Variants in CKAP4 observed in about 807,000 individuals in gnomAD.
CKAP4 encodes cytoskeleton-associated protein 4.
In CKAP4, 20 loss-of-function variants were observed where a neutral mutation model predicts 24.4. That is an observed-to-expected ratio of 0.82 (90% CI 0.58 to 1.19). CKAP4 has a LOEUF of 1.19. Among genes scored for constraint, CKAP4 ranks in the 50% most tolerant of loss-of-function variants. CKAP4 has a pLI of 0.00. For synonymous variants in CKAP4, 378 were observed against 351.7 expected, an observed-to-expected ratio of 1.07 and a Z score of -0.84; for missense variants, 744 against 765.3, an observed-to-expected ratio of 0.97 and a Z score of 0.33.
intron 1 of CKAP4, among the ~76,000 whole-genome samples, chr12:106,243,406 G>A (rs765871233): frequency 2.4e-4 from 36 of 152,334 alleles, no homozygotes; most frequent in Non-Finnish European, 4.4e-4. Context: ...GTACCTGGAA[G>A]AGAGACTGCC....
chr12:106,240,733 C>G (rs1029848020), intron 1 of CKAP4, among the ~76,000 whole-genome samples: 1 of 151,774 alleles, frequency 6.6e-6, no homozygotes. Context: ...TATCAAGTCC[C>G]CATCATGCAG....
At position 106,247,500 on chromosome 12, in the gene CKAP4, C is replaced by A. The variant is rs1368020930; in HGVS notation, c.352G>T (p.Ala118Ser). The A allele has an allele frequency of 3.2e-6, 5 of 1,544,092 alleles. No homozygotes were observed. In the Admixed American group the frequency reaches 5.8e-5, roughly 18 times the overall value. ...LNFLFYLALVAAAAFSGWCVH... is the reference protein window; with the variant it reads ...LNFLFYLALVSAAAFSGWCVH... ...CACCAGCCCGAGAAAGCGGCCGCCGCCACCAGGGCGAGGTAGAAGAGAAAG... is the reference window on the plus strand; with the variant it reads ...CACCAGCCCGAGAAAGCGGCCGCCGACACCAGGGCGAGGTAGAAGAGAAAG... The change falls in exon 1 of 2, where the codon GCG becomes TCG. Residue 118 changes from alanine to serine, a missense_variant. Physicochemically the swap from Ala to Ser is moderately conservative, Grantham distance 99 (BLOSUM62 1). This residue lies in a region of CKAP4 where 300 missense variants were observed against 264.5 expected (regional missense o/e 1.13). Coordinates refer to ENST00000378026, the MANE Select transcript of CKAP4 (RefSeq NM_006825.4). The surrounding 1 kb of genome is among the most constrained non-coding windows in gnomAD (Gnocchi z 4.5).
chr12:106,239,216 C>T lies in CKAP4; in HGVS notation c.1617G>A (p.Leu539=). 6.2e-7 allele frequency: 1 copy of T among 1,614,186 alleles called. No homozygotes were observed. The highest frequency in any genetic ancestry group is 8.5e-7 in the Non-Finnish European group (1 of 1,180,042). Residue 539 remains leucine, a synonymous_variant, in exon 2 of 2, where the codon CTG becomes CTA. Transcript: ENST00000378026. This position sits in a 1 kb window ranked among gnomAD's most constrained non-coding sequence, Gnocchi z 4.9. ...FLDRLSSLDN[L]KASVSQVEAD... ...CCTCCACTTGGCTGACTGAGGCTTT[C>T]AGGTTGTCTAGAGAAGAAAGTCTGT...
rs765508207 is a variant in CKAP4 at position 106,239,055 on chromosome 12, A to AT, written c.1777_1778insA (p.Val593AspfsTer27). 6.2e-7 allele frequency: 1 copy of AT among 1,613,724 alleles called. No individual in the cohort carries two copies. Among genetic ancestry groups the AT allele is most frequent in the Non-Finnish European group, 8.5e-7 (1 of 1,179,716 alleles). ...CTTTTCGTGAATCTTCTCCACTTTC[A>AT]CAAACAACCTATCCAGATCATTCCT... On this transcript the variant is annotated frameshift_variant, in exon 2 of 2. Transcript: ENST00000378026. The surrounding 1 kb of genome is among the most constrained non-coding windows in gnomAD (Gnocchi z 4.9).
Position 106,247,415 on chromosome 12 carries a change from CG to C in CKAP4, c.436del (p.Arg146GlyfsTer31). On this transcript the variant is annotated frameshift_variant, in exon 1 of 2. Coordinates refer to ENST00000378026, the MANE Select transcript of CKAP4 (RefSeq NM_006825.4). This position sits in a 1 kb window ranked among gnomAD's most constrained non-coding sequence, Gnocchi z 4.5. ...GCCCTGGCCCAGCTCCTCCCTCTGC[CG>C]GGAGAAGTCCTGGTGGCTGCGCCGG... ...QVRRSHQDFS[R>X]QREELGQGLQ... 6.5e-7 allele frequency: 1 copy of C among 1,543,816 alleles called. No individual in the cohort carries two copies.
At position 106,239,589 on chromosome 12, in the gene CKAP4, T is replaced by C. The variant is rs143818229; in HGVS notation, c.1244A>G (p.His415Arg). The part of the protein sequence containing the change: ...KSQGLDSRLQ[H>R]VEDGVLSMQV... ...CATGGAGAGCACCCCATCCTCCACGTGCTGGAGCCTGGAGTCCAGTCCCTG... is the reference window on the plus strand; with the variant it reads ...CATGGAGAGCACCCCATCCTCCACGCGCTGGAGCCTGGAGTCCAGTCCCTG... The change falls in exon 2 of 2, where the codon CAC becomes CGC. Residue 415 changes from histidine to arginine, a missense_variant. Physicochemically the swap from His to Arg is conservative, Grantham distance 29. This residue lies in a region of CKAP4 where 401 missense variants were observed against 424.5 expected (regional missense o/e 0.94). Transcript: ENST00000378026. The surrounding 1 kb of genome is among the most constrained non-coding windows in gnomAD (Gnocchi z 4.9). The C allele has an allele frequency of 1.2e-6, 2 of 1,613,996 alleles. No homozygotes were observed. The highest frequency in any genetic ancestry group is 2.7e-5 in the African/African-American group (2 of 74,932).
chr12:106,238,889 G>T lies in CKAP4; in HGVS notation c.*135C>A. The T allele has an allele frequency of 2.4e-6, 2 of 835,372 alleles. No individual in the cohort carries two copies. The highest frequency in any genetic ancestry group is 3.8e-6 in the Non-Finnish European group (2 of 522,460). The allele number at this position is 835,372 out of a possible 1,614,324, so 51.7% of individuals were successfully genotyped here. A position where few individuals can be genotyped will look rare whatever the true frequency, so the allele number is the denominator to read the frequency against. ...ACTGGGCATGAAAATACAATGCCTT[G>T]GTGTTCAGGTGGTGACAACTGCTCT... On this transcript the variant is annotated 3_prime_UTR_variant, in exon 2 of 2. Coordinates refer to ENST00000378026, the MANE Select transcript of CKAP4 (RefSeq NM_006825.4).
rs772393054 is a variant in CKAP4 at position 106,239,486 on chromosome 12, G to A, written c.1347C>T (p.Ala449=). 8.7e-6 allele frequency: 14 copies of A among 1,606,794 alleles called. No homozygotes were observed. Among genetic ancestry groups the A allele is most frequent in the East Asian group, 4.5e-5 (2 of 44,874 alleles). ...SKSQEHEQRL[A]ALQGRLEGLG... ...GGCCTTCCAGGCGCCCCTGCAGGGCGGCCAGGCGCTGCTCGTGCTCCTGGC... is the reference window on the plus strand; with the variant it reads ...GGCCTTCCAGGCGCCCCTGCAGGGCAGCCAGGCGCTGCTCGTGCTCCTGGC... The change falls in exon 2 of 2, where the codon GCC becomes GCT. Residue 449 remains alanine, a synonymous_variant. Coordinates refer to ENST00000378026, the MANE Select transcript of CKAP4 (RefSeq NM_006825.4). The surrounding 1 kb of genome is among the most constrained non-coding windows in gnomAD (Gnocchi z 4.9).
chr12:106,246,239 C>T (rs1357428003), intron 1 of CKAP4, among the ~76,000 whole-genome samples: 5 of 152,176 alleles, frequency 3.3e-5, no homozygotes, highest in Non-Finnish European at 7.3e-5. Flanking sequence ...CTGTCACTCA[C>T]CAGCTGGGGA....
In CKAP4 at chr12:106,239,456, C is replaced by T. The variant is rs1433751222; in HGVS notation, c.1377G>A (p.Gly459=). Residue 459 remains glycine, a synonymous_variant, in exon 2 of 2, where the codon GGG becomes GGA. Transcript: ENST00000378026. The surrounding 1 kb of genome is among the most constrained non-coding windows in gnomAD (Gnocchi z 4.9). The part of the protein sequence containing the change: ...AALQGRLEGL[G]SSEADQDGLA... ...GGCCATCCTGGTCTGCCTCTGAGGA[C>T]CCGAGGCCTTCCAGGCGCCCCTGCA... 5 of 1,603,316 alleles carry T rather than the reference C, an allele frequency of 3.1e-6. No homozygotes were observed. The highest frequency in any genetic ancestry group is 3.3e-5 in the Admixed American group (2 of 59,990).
rs1269587534 is a variant in CKAP4, at chr12:106,247,197, G to A, written c.483+172C>T. On this transcript the variant is annotated intron_variant, in intron 1 of 1. Transcript: ENST00000378026. This position sits in a 1 kb window ranked among gnomAD's most constrained non-coding sequence, Gnocchi z 4.5. ...TCTGGGGACTGCCTCGGAACTAGGG[G>A]GCCGCGTGGAGTGGGATGTCTAGGC... 2.0e-5 allele frequency among the ~76,000 whole-genome samples: 3 copies of A among 152,148 alleles called. No homozygotes were observed. The highest frequency in any genetic ancestry group is 4.4e-5 in the Non-Finnish European group (3 of 68,030).
At position 106,247,964 on chromosome 12, in the gene CKAP4, G is replaced by T; in HGVS notation, c.-113C>A. ...ACTGGGCGAGCGGCACGCGGGCGCT[G>T]CTGGCGTCGGAGCGGCGAGAGGACG... On this transcript the variant is annotated 5_prime_UTR_variant, in exon 1 of 2. Coordinates refer to ENST00000378026, the MANE Select transcript of CKAP4 (RefSeq NM_006825.4). The surrounding 1 kb of genome is among the most constrained non-coding windows in gnomAD (Gnocchi z 4.5). 4.6e-6 allele frequency: 3 copies of T among 658,118 alleles called. No individual in the cohort carries two copies. The highest frequency in any genetic ancestry group is 5.7e-6 in the Non-Finnish European group (3 of 527,746). The allele number at this position is 658,118 out of a possible 1,614,324, so 40.8% of individuals were successfully genotyped here. A position where few individuals can be genotyped will look rare whatever the true frequency, so the allele number is the denominator to read the frequency against.
At position 106,247,569 on chromosome 12, in the gene CKAP4, AGGCGGCGGC is replaced by A. The variant is rs572619681; in HGVS notation, c.274_282del (p.Ala92_Ala94del). ...CTGCGCGAGCAGGACGCCGAGGACG[AGGCGGCGGC>A]GGCGGCAGCGGCGGCGGAGGCGGAG... On this transcript the variant is annotated inframe_deletion, in exon 1 of 2. Coordinates refer to ENST00000378026, the MANE Select transcript of CKAP4 (RefSeq NM_006825.4). This position sits in a 1 kb window ranked among gnomAD's most constrained non-coding sequence, Gnocchi z 4.5. The A allele has an allele frequency of 2.9e-6, 4 of 1,381,146 alleles. No individual in the cohort carries two copies. The highest frequency in any genetic ancestry group is 2.7e-5 in the Admixed American group (1 of 37,062). 85.6% of individuals were successfully genotyped at this position (1,381,146 alleles called of 1,614,324 possible).
intron 1 of CKAP4, among the ~76,000 whole-genome samples, chr12:106,242,275 G>C (rs1161216963): frequency 6.6e-6 from 1 of 152,246 alleles, no homozygotes; most frequent in Non-Finnish European, 1.5e-5. Context: ...ATACATGGCA[G>C]CTATTATCAT....
Position 106,238,662 on chromosome 12 carries a change from C to CT in CKAP4, c.*361dup, listed in dbSNP as rs71442016. The CT allele has an allele frequency of 5.2e-3, 822 of 158,610 alleles. No individual in the cohort carries two copies. Among genetic ancestry groups the CT allele is most frequent in the African/African-American group, 8.2e-3 (327 of 39,696 alleles). 9.8% of individuals were successfully genotyped at this position (158,610 alleles called of 1,614,324 possible). A position where few individuals can be genotyped will look rare whatever the true frequency, so the allele number is the denominator to read the frequency against. On this transcript the variant is annotated 3_prime_UTR_variant, in exon 2 of 2. Transcript: ENST00000378026. ...AAAGAAAAGGGTCCCCCCAACCCAC[C>CT]TTTTTTTTTTTTTTACTTGAAATCT...
In CKAP4 at chr12:106,240,185, C is replaced by G. The variant is rs373289408; in HGVS notation, c.648G>C (p.Ser216=). The stretch of plus-strand genomic sequence containing the variant: ...CGTCCTTCACCACATGGATCCCATC[C>G]GAGAGGTCTTTGAGAATCTCATTCT... ...KLQNEILKDL[S]DGIHVVKDAR... The change falls in exon 2 of 2, where the codon TCG becomes TCC. Residue 216 remains serine (S), a synonymous_variant. Transcript: ENST00000378026. 6.2e-7 allele frequency: 1 copy of G among 1,614,070 alleles called. No homozygotes were observed. Among genetic ancestry groups the G allele is most frequent in the Non-Finnish European group, 8.5e-7 (1 of 1,180,046 alleles).
At chr12:106,246,465 G>T (rs571880890) in intron 1 of CKAP4, among the ~76,000 whole-genome samples, 1 of 152,272 alleles carries the variant, frequency 6.6e-6, no homozygotes, top group East Asian at 1.9e-4. Context: ...AAGTAGGGCC[G>T]GGCGCAGTGG....
chr12:106,246,817 G>A (rs1592899045), intron 1 of CKAP4: 1 of 152,592 alleles, frequency 6.6e-6, no homozygotes, highest in East Asian at 1.9e-4. Context: ...TACAGGACAA[G>A]GGACCTAAAG....
chr12:106,247,527 T>C lies in CKAP4; in HGVS notation c.325A>G (p.Asn109Asp). 1.3e-6 allele frequency: 2 copies of C among 1,524,202 alleles called. No individual in the cohort carries two copies. Among genetic ancestry groups the C allele is most frequent in the Non-Finnish European group, 1.8e-6 (2 of 1,139,606 alleles). 94.4% of individuals were successfully genotyped at this position (1,524,202 alleles called of 1,614,324 possible). ...SCSRRLGRAL[N>D]FLFYLALVAA... is the part of the protein sequence containing the mutation. ...ACCAGGGCGAGGTAGAAGAGAAAGT[T>C]GAGCGCCCTGCCGAGCCTGCGCGAG... Residue 109 changes from asparagine to aspartate, a missense_variant, in exon 1 of 2, where the codon AAC (asparagine) becomes GAC (aspartate). This residue lies in a region of CKAP4 where 300 missense variants were observed against 264.5 expected (regional missense o/e 1.13). Coordinates refer to ENST00000378026, the MANE Select transcript of CKAP4 (RefSeq NM_006825.4). The surrounding 1 kb of genome is among the most constrained non-coding windows in gnomAD (Gnocchi z 4.5).
Sources: gnomAD v4.1 joint callset for allele counts (sites outside exome capture counted in the v4.1 genomes callset) on GRCh38, gnomAD v4.1.1 for gene constraint, gnomAD v4.1.1 regional missense constraint, Gnocchi (gnomAD v3.1) non-coding constraint, MANE v1.5 for transcripts, NCBI Gene and HGNC (gene_info 2026-07-23, HGNC 2026-07-21) for gene names.